NPAS3: variants seen among roughly 807,000 people sequenced by gnomAD.
NPAS3 encodes the protein neuronal PAS domain-containing protein 3.
In NPAS3, 14 loss-of-function variants were observed where a neutral mutation model predicts 73.1. The ratio of observed to expected loss-of-function variants is 0.19; its 90% CI spans 0.13 to 0.30. The LOEUF is 0.30. Among genes scored for constraint, NPAS3 ranks in the 10% least tolerant of loss-of-function variants. The pLI is 1.00. For missense variants in NPAS3, 1,096 were observed against 1,250.0 expected (o/e 0.88, Z 1.86); for synonymous variants, 620 against 541.5 (o/e 1.14, Z -2.01).
chr14:33,584,141 C>A (rs538615234), intron 5 of NPAS3, among the ~76,000 whole-genome samples: 1 of 152,080 alleles, frequency 6.6e-6, no homozygotes. Context: ...ATCACTACTT[C>A]AAAATGTGTA....
At chr14:32,984,101 A>C (rs2038006499) in intron 1 of NPAS3, among the ~76,000 whole-genome samples, 1 of 152,240 alleles carries the variant, frequency 6.6e-6, no homozygotes, top group Admixed American at 6.5e-5. Context: ...AGTGAAGTTT[A>C]ACTGACTAGA....
At chr14:33,665,782 C>T (rs764346533) in intron 5 of NPAS3, among the ~76,000 whole-genome samples, 2 of 152,032 alleles carry the variant, frequency 1.3e-5, no homozygotes, top group Non-Finnish European at 2.9e-5. Context: ...GTGTGGTTAA[C>T]AGAGCAAATC....
intron 4 of NPAS3, among the ~76,000 whole-genome samples, chr14:33,544,825 A>ATATATATATATAATATATATATATATAAT: frequency 1.8e-5 from 2 of 112,192 alleles, no homozygotes; most frequent in East Asian, 2.4e-4. Context: ...TATATAATAT[A>ATATATATATATAATATATATATATATAAT]TATGTGTATA....
intron 4 of NPAS3, among the ~76,000 whole-genome samples, chr14:33,535,327 T>G (rs2054215556): frequency 6.6e-6 from 1 of 152,214 alleles, no homozygotes; most frequent in African/African-American, 2.4e-5. Flanking sequence ...TAGACTAGTA[T>G]GAAGTTTAGT....
intron 4 of NPAS3, among the ~76,000 whole-genome samples, chr14:33,542,529 CTCA>C (rs2054569518): frequency 6.6e-6 from 1 of 152,254 alleles, no homozygotes; most frequent in East Asian, 1.9e-4. Context: ...TTTCAATCAT[CTCA>C]TCATTTTTTT....
intron 5 of NPAS3, among the ~76,000 whole-genome samples, chr14:33,638,278 T>C (rs779810349): frequency 4.7e-4 from 71 of 152,358 alleles, no homozygotes; most frequent in Admixed American, 7.8e-4. Flanking sequence ...CATAATCTTA[T>C]GGATATAATG....
At chr14:33,230,699 G>A (rs750159083) in intron 3 of NPAS3, among the ~76,000 whole-genome samples, 1 of 152,154 alleles carries the variant, frequency 6.6e-6, no homozygotes, top group Non-Finnish European at 1.5e-5. Flanking sequence ...AATGTTCACT[G>A]CCTTGATCAA....
chr14:33,607,754 T>G (rs1458163286), intron 5 of NPAS3, among the ~76,000 whole-genome samples: 1 of 152,156 alleles, frequency 6.6e-6, no homozygotes, highest in Non-Finnish European at 1.5e-5. Context: ...GACTGGTAAT[T>G]TATAAAGGAA....
chr14:33,523,451 CAAA>C (rs755370427), intron 4 of NPAS3, among the ~76,000 whole-genome samples: 1 of 46,718 alleles, frequency 2.1e-5, no homozygotes, highest in Non-Finnish European at 4.4e-5. Flanking sequence ...GACTCTGTCT[CAAA>C]AAAAAAAAAA....
chr14:33,382,721 A>C (rs190835647), intron 4 of NPAS3, among the ~76,000 whole-genome samples: 5 of 152,154 alleles, frequency 3.3e-5, no homozygotes, highest in Non-Finnish European at 7.4e-5. Context: ...AGGACCTAAA[A>C]TTCCAATAAT....
intron 2 of NPAS3, among the ~76,000 whole-genome samples, chr14:33,211,913 T>G (rs965866118): frequency 6.6e-6 from 1 of 152,160 alleles, no homozygotes; most frequent in Non-Finnish European, 1.5e-5. Flanking sequence ...GGAGTAAATA[T>G]TTGGGTCTGA....
intron 9 of NPAS3, among the ~76,000 whole-genome samples, chr14:33,784,359 AT>A (rs1262525253): frequency 1.3e-5 from 2 of 152,266 alleles, no homozygotes; most frequent in African/African-American, 4.8e-5. Flanking sequence ...AGAAGGCAGC[AT>A]GAAACAGCCA....
At chr14:33,234,030 T>C (rs1036907491) in intron 3 of NPAS3, among the ~76,000 whole-genome samples, 15 of 152,138 alleles carry the variant, frequency 9.9e-5, no homozygotes, top group African/African-American at 3.6e-4. Context: ...AAAGCACGAG[T>C]GGAAAAGAAG....
intron 5 of NPAS3, among the ~76,000 whole-genome samples, chr14:33,640,157 C>A (rs1405501190): frequency 6.6e-6 from 1 of 151,492 alleles, no homozygotes; most frequent in East Asian, 1.9e-4. Context: ...TCGAAGGTTG[C>A]AGTGAGCCGA....
intron 3 of NPAS3, among the ~76,000 whole-genome samples, chr14:33,351,296 T>C (rs923886400): frequency 1.3e-5 from 2 of 151,852 alleles, no homozygotes; most frequent in African/African-American, 4.8e-5. Context: ...CCAGATGGGG[T>C]CGACGACAAA....
intron 4 of NPAS3, among the ~76,000 whole-genome samples, chr14:33,473,171 G>C (rs1408819972): frequency 6.6e-6 from 1 of 152,184 alleles, no homozygotes; most frequent in Non-Finnish European, 1.5e-5. Context: ...GATGGAAACT[G>C]GGAAATTGGC....
intron 1 of NPAS3, among the ~76,000 whole-genome samples, chr14:33,016,343 A>C (rs761589210): frequency 6.6e-6 from 1 of 152,170 alleles, no homozygotes; most frequent in South Asian, 2.1e-4. Context: ...GTGATATGTG[A>C]AATTCCATGA....
chr14:33,384,399 T>G (rs770477810), intron 4 of NPAS3, among the ~76,000 whole-genome samples: 31 of 148,400 alleles, frequency 2.1e-4, no homozygotes, highest in East Asian at 1.4e-3. Context: ...GTGTGTGTGT[T>G]TTTAATGTTT....
chr14:33,273,858 C>T lies in NPAS3; in HGVS notation c.385+58432C>T, dbSNP rs78692461. ...CAGTGGTTGCTGAATGAATGTCCAA[C>T]AAAAAAACTTTCAATGAAATAGTGA... On this transcript the variant is annotated intron_variant, in intron 3 of 11. Transcript: ENST00000356141. Among the ~76,000 whole-genome samples the T allele has an allele frequency of 3.3e-3, 505 of 152,172 alleles. 1 individual carries two copies. Among genetic ancestry groups the T allele is most frequent in the African/African-American group, 0.012 (478 of 41,516 alleles).
Sources: gnomAD v4.1 joint callset for allele counts (sites outside exome capture counted in the v4.1 genomes callset) on GRCh38, gnomAD v4.1.1 for gene constraint, MANE v1.5 for transcripts, NCBI Gene and HGNC (gene_info 2026-07-23, HGNC 2026-07-21) for gene names.